Variants in MIA2 observed in about 807,000 individuals in gnomAD.
The protein encoded by MIA2 is melanoma inhibitory activity protein 2.
Under a neutral mutation model 167.8 loss-of-function variants are expected in MIA2, and 127 were observed. The ratio of observed to expected loss-of-function variants is 0.76; its 90% CI spans 0.66 to 0.88. The LOEUF (loss-of-function observed/expected upper bound fraction) is 0.88, where lower values mean the gene tolerates loss of function less well. Among genes scored for constraint, MIA2 ranks in the 40% least tolerant of loss-of-function variants. MIA2 has a pLI of 0.00. For missense variants in MIA2, 1,690 were observed against 1,624.7 expected, an observed-to-expected ratio of 1.04 and a Z score of -0.69; for synonymous variants, 552 against 541.9, an observed-to-expected ratio of 1.02 and a Z score of -0.26.
chr14:39,294,698 A>G (rs145427716), intron 12 of MIA2, among the ~76,000 whole-genome samples: 149 of 152,286 alleles, frequency 9.8e-4, no homozygotes, highest in African/African-American at 3.2e-3. Context: ...CAGTACATAG[A>G]AAGTTACAAG....
In MIA2 at chr14:39,273,694, G is replaced by A. The variant is rs2057512986; in HGVS notation, c.1888-3240G>A. Among the ~76,000 whole-genome samples the A allele has an allele frequency of 2.0e-5, 3 of 151,976 alleles. No homozygotes were observed. In the South Asian group the frequency reaches 6.2e-4, roughly 32 times the overall value. ...CTGGGATAAATCCCACTTGGTCATG[G>A]TACATAATCCTTTTTATATGTTGCT... is the stretch of plus-strand genomic sequence containing the variant. On this transcript the variant is annotated intron_variant, in intron 6 of 28. Transcript: ENST00000640607.
At chr14:39,235,580 C>G (rs995439613) in intron 1 of MIA2, among the ~76,000 whole-genome samples, 2 of 152,018 alleles carry the variant, frequency 1.3e-5, no homozygotes, top group South Asian at 4.2e-4. Context: ...AAGTTTGAGA[C>G]CAGCCTGGGC....
intron 23 of MIA2, among the ~76,000 whole-genome samples, chr14:39,373,937 G>GAATC (rs1207386673): frequency 6.6e-6 from 1 of 152,214 alleles, no homozygotes; most frequent in East Asian, 1.9e-4. Flanking sequence ...CCACATGGGA[G>GAATC]AATCACCTGA....
chr14:39,260,168 C>A (rs917474691), intron 6 of MIA2, among the ~76,000 whole-genome samples: 1 of 152,174 alleles, frequency 6.6e-6, no homozygotes. Flanking sequence ...AGTAAACATA[C>A]GTGTGCATGT....
intron 9 of MIA2, among the ~76,000 whole-genome samples, chr14:39,281,530 C>T (rs746047455): frequency 6.6e-6 from 1 of 151,124 alleles, no homozygotes; most frequent in South Asian, 2.1e-4. Context: ...TATTGTGGCT[C>T]TTTTTGTAGT....
intron 16 of MIA2, 92 bp from the exon 17 acceptor site, chr14:39,304,199 G>GT: frequency 1.9e-6 from 1 of 514,956 alleles, no homozygotes; most frequent in Admixed American, 4.2e-5. Context: ...CTTAAAAAGT[G>GT]TTAGGGGGGT....
At chr14:39,369,449 T>A (rs1018634309) in intron 23 of MIA2, among the ~76,000 whole-genome samples, 13 of 152,358 alleles carry the variant, frequency 8.5e-5, no homozygotes, top group Admixed American at 4.6e-4. Flanking sequence ...CTTTTCACAC[T>A]CATCCTTAAT....
At chr14:39,386,934 A>G (rs753675337) in exon 24 of MIA2, 3 of 768,450 alleles carry the variant, frequency 3.9e-6, no homozygotes, top group Non-Finnish European at 4.5e-6. Context: ...GTAGGGGCCT[A>G]GGAGGGCCCC....
At chr14:39,250,709 C>CATAT (rs72114250) in intron 4 of MIA2, among the ~76,000 whole-genome samples, 2,737 of 143,504 alleles carry the variant, frequency 0.019, 35 homozygotes, top group Middle Eastern at 0.037. Flanking sequence ...AAAAAATATG[C>CATAT]ATATATATAT....
intron 15 of MIA2, 21 bp downstream of exon 15, chr14:39,302,270 T>C (rs2062640864): frequency 6.2e-7 from 1 of 1,610,512 alleles, no homozygotes. Flanking sequence ...ATGACTCATC[T>C]CCTTTTGCTA....
At position 39,247,361 on chromosome 14, in the gene MIA2, G is replaced by T. The variant is rs780460557; in HGVS notation, c.787G>T (p.Asp263Tyr). 6.2e-7 allele frequency: 1 copy of T among 1,614,104 alleles called. No individual in the cohort carries two copies. The highest frequency in any genetic ancestry group is 8.5e-7 in the Non-Finnish European group (1 of 1,180,010). ...SRKIAVEDENDLEELNNGEPQ... is the reference protein window; with the variant it reads ...SRKIAVEDENYLEELNNGEPQ... ...AAAAATAGCAGTGGAAGATGAGAAT[G>T]ACCTAGAGGAATTAAATAATGGTGA... Residue 263 changes from aspartate (D) to tyrosine (Y), a missense_variant, in exon 4 of 29, where the codon GAC becomes TAC. Coordinates refer to ENST00000640607, the MANE Select transcript of MIA2 (RefSeq NM_001329214.4).
In MIA2 at chr14:39,291,181, T is replaced by C. The variant is rs576394156; in HGVS notation, c.2208+85T>C. ...CTTTAAAAATGTATCTTCTGAAAACTATTTGAAAAAAATGTGAAAGAGCAT... is the reference window on the plus strand; with the variant it reads ...CTTTAAAAATGTATCTTCTGAAAACCATTTGAAAAAAATGTGAAAGAGCAT... On this transcript the variant is annotated intron_variant, in intron 10 of 28. Coordinates refer to ENST00000640607, the MANE Select transcript of MIA2 (RefSeq NM_001329214.4). 826 of 1,223,692 alleles carry C rather than the reference T, an allele frequency of 6.8e-4. 1 individual carries two copies. The highest frequency in any genetic ancestry group is 8.8e-4 in the Non-Finnish European group (781 of 883,574). 75.8% of individuals were successfully genotyped at this position (1,223,692 alleles called of 1,614,324 possible).
intron 9 of MIA2, among the ~76,000 whole-genome samples, chr14:39,286,532 ATAT>A (rs1234091129): frequency 3.9e-5 from 6 of 152,130 alleles, no homozygotes; most frequent in African/African-American, 1.4e-4. Context: ...TTTTGTTTTG[ATAT>A]TATATCCTGC....
intron 2 of MIA2, among the ~76,000 whole-genome samples, chr14:39,238,589 G>T (rs1175772215): frequency 6.6e-6 from 1 of 151,856 alleles, no homozygotes; most frequent in African/African-American, 2.4e-5. Context: ...GAGGCCAGGA[G>T]TTTGAGACCA....
chr14:39,281,598 T>TTTTTG (rs777994923), intron 9 of MIA2, among the ~76,000 whole-genome samples: 1 of 151,214 alleles, frequency 6.6e-6, no homozygotes, highest in Non-Finnish European at 1.5e-5. Flanking sequence ...TGCTCTCTTA[T>TTTTTG]TTTTGTTTTG....
intron 9 of MIA2, among the ~76,000 whole-genome samples, chr14:39,285,845 G>T (rs1375722541): frequency 1.3e-5 from 2 of 151,862 alleles, no homozygotes; most frequent in Non-Finnish European, 2.9e-5. Flanking sequence ...TCCCAGACGG[G>T]GTCGCGGCCG....
intron 23 of MIA2, among the ~76,000 whole-genome samples, chr14:39,380,268 AGAGACAC>A (rs774643897): frequency 1.1e-3 from 174 of 152,340 alleles, no homozygotes; most frequent in Admixed American, 3.1e-3. Flanking sequence ...CTGAAAACAG[AGAGACAC>A]AATAAAAGTT....
intron 23 of MIA2, among the ~76,000 whole-genome samples, chr14:39,376,907 T>A (rs2075056310): frequency 6.6e-6 from 1 of 152,198 alleles, no homozygotes; most frequent in Admixed American, 6.5e-5. Context: ...GTGGAGATAT[T>A]TGACCTTTAT....
At position 39,303,427 on chromosome 14, in the gene MIA2, G is replaced by A. The variant is rs367809921; in HGVS notation, c.2741-51G>A. 1.6e-5 allele frequency: 21 copies of A among 1,335,090 alleles called. No homozygotes were observed. The East Asian group carries it at 1.9e-4, about 12-fold the overall frequency. 82.7% of individuals were successfully genotyped at this position (1,335,090 alleles called of 1,614,324 possible). A position where few individuals can be genotyped will look rare whatever the true frequency, so the allele number is the denominator to read the frequency against. ...TAAAATCATTTTGATGTCTATTGTCGTATTGTACTATTTTCCCAAATCATT... is the reference window on the plus strand; with the variant it reads ...TAAAATCATTTTGATGTCTATTGTCATATTGTACTATTTTCCCAAATCATT... On this transcript the variant is annotated intron_variant, in intron 15 of 28. Transcript: ENST00000640607.
Sources: allele counts gnomAD v4.1 joint callset (sites outside exome capture counted in the v4.1 genomes callset), GRCh38; gene constraint gnomAD v4.1.1; transcripts MANE v1.5; gene names NCBI Gene and HGNC (gene_info 2026-07-23, HGNC 2026-07-21).